ADCY8: variants seen among roughly 807,000 people sequenced by gnomAD.
ADCY8 encodes adenylate cyclase 8.
ADCY8 carries 51 observed loss-of-function variants against 119.7 expected under a neutral mutation model. The observed-to-expected ratio is 0.43, with a 90% confidence interval of 0.34 to 0.54. The LOEUF (loss-of-function observed/expected upper bound fraction) is 0.54, where lower values mean the gene tolerates loss of function less well. Ranked by LOEUF, ADCY8 falls within the 20% of genes least tolerant of loss-of-function variation. ADCY8 has a pLI of 0.03. For missense variants in ADCY8, 1,383 were observed against 1,598.8 expected, an observed-to-expected ratio of 0.87 and a Z score of 2.30; for synonymous variants, 665 against 651.0, an observed-to-expected ratio of 1.02 and a Z score of -0.33.
At position 130,780,371 on chromosome 8, in the gene ADCY8, A is replaced by AAAAAC; in HGVS notation, c.*18_*19insGTTTT. ...TATATAAAAGAAATACAAAAAAAAA[A>AAAAAC]AACAGAAAGAAAATGCTTTTATGGC... On this transcript the variant is annotated 3_prime_UTR_variant, in exon 18 of 18. Coordinates refer to ENST00000286355, the MANE Select transcript of ADCY8 (RefSeq NM_001115.3). 7.1e-7 allele frequency: 1 copy of AAAAAC among 1,404,842 alleles called. No homozygotes were observed. Among genetic ancestry groups the AAAAAC allele is most frequent in the Non-Finnish European group, 9.3e-7 (1 of 1,074,636 alleles). The allele number at this position is 1,404,842 out of a possible 1,614,324, so 87.0% of individuals were successfully genotyped here. A position where few individuals can be genotyped will look rare whatever the true frequency, so the allele number is the denominator to read the frequency against.
intron 11 of ADCY8, among the ~76,000 whole-genome samples, chr8:130,846,888 T>TTCCCTTTCCTTCCTTCCTTCC (rs56726941): frequency 3.5e-4 from 7 of 19,834 alleles, no homozygotes; most frequent in Admixed American, 7.1e-4. Context: ...TTCCCTTCCC[T>TTCCCTTTCCTTCCTTCCTTCC]TTCCTTCCTT....
At chr8:130,989,695 C>T (rs1179502357) in intron 2 of ADCY8, among the ~76,000 whole-genome samples, 2 of 152,204 alleles carry the variant, frequency 1.3e-5, no homozygotes, top group Non-Finnish European at 2.9e-5. Context: ...ATATAAATAT[C>T]TTTAATAGGG....
At chr8:131,038,122 T>G (rs1347487459) in intron 1 of ADCY8, among the ~76,000 whole-genome samples, 1 of 152,184 alleles carries the variant, frequency 6.6e-6, no homozygotes, top group African/African-American at 2.4e-5. Context: ...GATCCCACAT[T>G]GACCAGAAGT....
At chr8:130,966,433 G>C (rs1821764160) in intron 2 of ADCY8, among the ~76,000 whole-genome samples, 2 of 152,172 alleles carry the variant, frequency 1.3e-5, no homozygotes, top group African/African-American at 2.4e-5. Context: ...GGGTGGGTTA[G>C]GTGCAGAGGG....
intron 2 of ADCY8, among the ~76,000 whole-genome samples, chr8:130,964,848 T>C (rs1274303524): frequency 6.6e-6 from 1 of 152,232 alleles, no homozygotes; most frequent in Admixed American, 6.5e-5. Flanking sequence ...ATGTTTTCAC[T>C]TTTTAATAAT....
At chr8:130,831,214 C>G (rs1366924636) in intron 12 of ADCY8, among the ~76,000 whole-genome samples, 1 of 152,112 alleles carries the variant, frequency 6.6e-6, no homozygotes, top group Non-Finnish European at 1.5e-5. Context: ...AATATGATTC[C>G]AAATGAGCTA....
intron 13 of ADCY8, among the ~76,000 whole-genome samples, chr8:130,817,914 A>G (rs1816394955): frequency 6.6e-6 from 1 of 152,224 alleles, no homozygotes; most frequent in South Asian, 2.1e-4. Context: ...AAATAAGTGA[A>G]TATAGGCGAT....
chr8:130,990,570 C>A, intron 1 of ADCY8, 28 bp from the exon 2 acceptor site: 1 of 1,596,366 alleles, frequency 6.3e-7, no homozygotes, highest in Admixed American at 1.7e-5. Flanking sequence ...TGGTCAGGCG[C>A]TTAAAACAAA....
chr8:130,845,694 C>A (rs1405834058), intron 11 of ADCY8, among the ~76,000 whole-genome samples: 1 of 152,152 alleles, frequency 6.6e-6, no homozygotes, highest in African/African-American at 2.4e-5. Flanking sequence ...TGGTCTGGCC[C>A]ATGCAGCTCC....
intron 7 of ADCY8, among the ~76,000 whole-genome samples, chr8:130,899,407 A>G (rs1293772648): frequency 2.0e-5 from 3 of 152,146 alleles, no homozygotes; most frequent in Non-Finnish European, 2.9e-5. Context: ...GGAGTTCGTG[A>G]CCAGCCTGGC....
chr8:130,882,118 GTTTT>G (rs35806429), intron 8 of ADCY8, among the ~76,000 whole-genome samples: 9 of 133,060 alleles, frequency 6.8e-5, no homozygotes, highest in African/African-American at 1.7e-4. Flanking sequence ...CCATATTGAG[GTTTT>G]TTTTTTTTTT....
chr8:130,814,303 G>C, intron 13 of ADCY8, 76 bp from the exon 14 acceptor site: 1 of 1,474,222 alleles, frequency 6.8e-7, no homozygotes, highest in Non-Finnish European at 9.3e-7. Context: ...ACAACTGGGA[G>C]GCAGGAAAGG....
chr8:130,853,864 C>T (rs1307382587), intron 9 of ADCY8, among the ~76,000 whole-genome samples: 2 of 152,120 alleles, frequency 1.3e-5, no homozygotes, highest in African/African-American at 4.8e-5. Context: ...GTAATTGATT[C>T]CTCTGAGAAT....
intron 15 of ADCY8, among the ~76,000 whole-genome samples, chr8:130,788,833 TC>T (rs1298221193): frequency 6.6e-6 from 1 of 152,030 alleles, no homozygotes; most frequent in Admixed American, 6.6e-5. Context: ...TGGAAACTAC[TC>T]CAGAACAAAA....
At chr8:130,914,531 A>G (rs992668686) in intron 5 of ADCY8, among the ~76,000 whole-genome samples, 4 of 152,206 alleles carry the variant, frequency 2.6e-5, no homozygotes, top group Admixed American at 6.5e-5. Context: ...GATAAGAATG[A>G]AACTATATAA....
At chr8:131,002,845 G>T (rs1822994544) in intron 1 of ADCY8, among the ~76,000 whole-genome samples, 1 of 151,978 alleles carries the variant, frequency 6.6e-6, no homozygotes, top group Admixed American at 6.6e-5. Context: ...ATAACAGAAA[G>T]AATTTTGAAA....
chr8:130,993,857 G>A (rs1463387425), intron 1 of ADCY8, among the ~76,000 whole-genome samples: 3 of 152,188 alleles, frequency 2.0e-5, no homozygotes, highest in African/African-American at 7.2e-5. Flanking sequence ...TAATTAGATA[G>A]TAGAAATTCT....
At chr8:130,812,862 T>C (rs906287157) in intron 14 of ADCY8, among the ~76,000 whole-genome samples, 2 of 152,284 alleles carry the variant, frequency 1.3e-5, no homozygotes, top group African/African-American at 2.4e-5. Flanking sequence ...CATATATGCA[T>C]ACATACATTT....
chr8:130,810,741 A>G (rs1459124670), intron 14 of ADCY8, among the ~76,000 whole-genome samples: 1 of 152,212 alleles, frequency 6.6e-6, no homozygotes, highest in Non-Finnish European at 1.5e-5. Context: ...TATTTATAAA[A>G]TCTCAAATAA....
Sources: allele counts gnomAD v4.1 joint callset (sites outside exome capture counted in the v4.1 genomes callset), GRCh38; gene constraint gnomAD v4.1.1; transcripts MANE v1.5; gene names NCBI Gene and HGNC (gene_info 2026-07-23, HGNC 2026-07-21).